Variants in SHTN1 observed in about 807,000 individuals in gnomAD.
The protein encoded by SHTN1 is shootin 1.
In SHTN1, 42 loss-of-function variants were observed where a neutral mutation model predicts 83.1. The ratio of observed to expected loss-of-function variants is 0.51; its 90% CI spans 0.39 to 0.65. The LOEUF (loss-of-function observed/expected upper bound fraction) is 0.65. Among genes scored for constraint, SHTN1 ranks in the 30% least tolerant of loss-of-function variants. The pLI, the probability that SHTN1 is intolerant of heterozygous loss-of-function variation, is 0.00. For synonymous variants in SHTN1, 224 were observed against 247.7 expected (o/e 0.90, Z 0.90); for missense variants, 622 against 737.8 (o/e 0.84, Z 1.82).
chr10:117,018,508 A>T (rs2420303), intron 2 of SHTN1, among the ~76,000 whole-genome samples: 124,001 of 137,970 alleles, frequency 0.9, 55,131 homozygotes, highest in East Asian at 0.94. Context: ...TATTTTTTTT[A>T]AAAAAAAAAA....
rs150458578 is a variant in SHTN1, at chr10:116,954,245, C to A, written c.268-35G>T. The A allele has an allele frequency of 2.4e-3, 3,421 of 1,420,890 alleles. 9 individuals carry two copies. The highest frequency in any genetic ancestry group is 2.6e-3 in the Non-Finnish European group (2,728 of 1,044,148). The allele number at this position is 1,420,890 out of a possible 1,614,324, so 88.0% of individuals were successfully genotyped here. A position where few individuals can be genotyped will look rare whatever the true frequency, so the allele number is the denominator to read the frequency against. ...AATATAAAAACAGTTATTTTAAAAG[C>A]AGCCAAATGAGTATCTTGGATTTTT... On this transcript the variant is annotated intron_variant, in intron 4 of 16. Transcript: ENST00000355371.
rs536914477 is a variant in SHTN1, at chr10:117,077,077, G to A, written c.-188-28567C>T. On this transcript the variant is annotated intron_variant, in intron 1 of 17. Coordinates refer to the SHTN1 transcript ENST00000392901. ...GATCTTAAGCTCCCCCAGCACAAAA[G>A]CCCTTACGATTTAAGAAGAAATGTG... Among the ~76,000 whole-genome samples the A allele has an allele frequency of 3.3e-5, 5 of 152,200 alleles. 1 individual carries two copies. In the South Asian group the frequency reaches 8.3e-4, roughly 25 times the overall value.
chr10:116,960,834 C>A (rs1168138116), intron 3 of SHTN1, among the ~76,000 whole-genome samples: 1 of 151,982 alleles, frequency 6.6e-6, no homozygotes, highest in African/African-American at 2.4e-5. Context: ...AAAGCAGATG[C>A]TAATAAATTA....
chr10:116,974,188 A>G lies in SHTN1; in HGVS notation c.111+5068T>C, dbSNP rs1850712561. 4 of 991,666 alleles carry G rather than the reference A, an allele frequency of 4.0e-6. No individual in the cohort carries two copies. The African/African-American group carries it at 5.1e-5, about 13-fold the overall frequency. The allele number at this position is 991,666 out of a possible 1,614,324, so 61.4% of individuals were successfully genotyped here. A position where few individuals can be genotyped will look rare whatever the true frequency, so the allele number is the denominator to read the frequency against. On this transcript the variant is annotated intron_variant, in intron 2 of 16. Coordinates refer to ENST00000355371, the MANE Select transcript of SHTN1 (RefSeq NM_001127211.3). The stretch of plus-strand genomic sequence containing the variant: ...TGTGTGTTAGATGGAAACACATGTC[A>G]TCAGAACAGAGATCCTTGCTCTTTG...
At chr10:117,085,568 TGTGA>T (rs1853337808) in intron 1 of SHTN1, among the ~76,000 whole-genome samples, 1 of 152,232 alleles carries the variant, frequency 6.6e-6, no homozygotes, top group African/African-American at 2.4e-5. Flanking sequence ...GAATGTTTCA[TGTGA>T]GCTCAAAAAG....
chr10:116,881,606 G>C lies in SHTN1; in HGVS notation c.*4738C>G. On this transcript the variant is annotated 3_prime_UTR_variant, in exon 17 of 17. Transcript: ENST00000355371. The stretch of plus-strand genomic sequence containing the variant: ...AGGCTGCTGCGGCTAGGGAGCCGCT[G>C]GTGCCCACCTTCCCCACACAAGGTG... 6.4e-7 allele frequency: 1 copy of C among 1,550,478 alleles called. No homozygotes were observed. The highest frequency in any genetic ancestry group is 1.2e-5 in the South Asian group (1 of 84,018).
At position 116,882,396 on chromosome 10, in the gene SHTN1, G is replaced by C. The variant is rs1847045509; in HGVS notation, c.*3948C>G. On this transcript the variant is annotated 3_prime_UTR_variant, in exon 17 of 17. Coordinates refer to ENST00000355371, the MANE Select transcript of SHTN1 (RefSeq NM_001127211.3). ...AGCATTTAAAAAGCAATCCGCAAGTGATAAAAAAAAAAAAAAAAAATGATG... is the reference window on the plus strand; with the variant it reads ...AGCATTTAAAAAGCAATCCGCAAGTCATAAAAAAAAAAAAAAAAAATGATG... 9.4e-6 allele frequency: 1 copy of C among 106,396 alleles called. No homozygotes were observed. The highest frequency in any genetic ancestry group is 1.9e-5 in the Non-Finnish European group (1 of 53,356). 6.6% of individuals were successfully genotyped at this position (106,396 alleles called of 1,614,324 possible).
intron 16 of SHTN1, 119 bp from the exon 17 acceptor site, chr10:116,886,685 A>G: frequency 7.4e-7 from 1 of 1,352,314 alleles, no homozygotes; most frequent in Non-Finnish European, 1.0e-6. Flanking sequence ...ATCAACATGC[A>G]TATAGTAGTC....
chr10:117,066,557 A>T (rs1331619208), intron 1 of SHTN1, among the ~76,000 whole-genome samples: 1 of 152,230 alleles, frequency 6.6e-6, no homozygotes, highest in Non-Finnish European at 1.5e-5. Flanking sequence ...GGACAATATT[A>T]TAAGGAATGT....
In SHTN1 at chr10:116,968,340, A is replaced by G. The variant is rs191676312; in HGVS notation, c.172+312T>C. 9.8e-5 allele frequency among the ~76,000 whole-genome samples: 15 copies of G among 152,362 alleles called. No homozygotes were observed. The East Asian group carries it at 2.1e-3, about 22-fold the overall frequency. ...ACAAATAAAAGACCAACAAGGACAG[A>G]TTATAAAGTACTAGCACTGGCCTTT... is the stretch of plus-strand genomic sequence containing the variant. On this transcript the variant is annotated intron_variant, in intron 3 of 16. Transcript: ENST00000355371.
In SHTN1 at chr10:116,996,729, T is replaced by C. The variant is rs138189365; in HGVS notation, c.58+8293A>G. On this transcript the variant is annotated intron_variant, in intron 1 of 16. Coordinates refer to ENST00000355371, the MANE Select transcript of SHTN1 (RefSeq NM_001127211.3). The stretch of plus-strand genomic sequence containing the variant: ...AAGAGATCACCCATAACACCACCTC[T>C]TGAAATAAAACATGACTGTTTACCT... 4.4e-3 allele frequency among the ~76,000 whole-genome samples: 665 copies of C among 152,314 alleles called. 1 individual carries two copies. Among genetic ancestry groups the C allele is most frequent in the Non-Finnish European group, 6.5e-3 (439 of 68,022 alleles).
intron 1 of SHTN1, chr10:117,126,266 G>A (rs1056934431): frequency 6.4e-6 from 1 of 157,424 alleles, no homozygotes; most frequent in South Asian, 1.8e-4. Context: ...AGCGTGGGTC[G>A]GGGCCCTGCC....
chr10:116,943,217 C>T (rs1344643036), intron 8 of SHTN1, among the ~76,000 whole-genome samples: 3 of 152,204 alleles, frequency 2.0e-5, no homozygotes, highest in African/African-American at 7.2e-5. Flanking sequence ...AGACTGAAGA[C>T]CAGGTGAACA....
intron 1 of SHTN1, among the ~76,000 whole-genome samples, chr10:117,100,048 A>G (rs916181328): frequency 1.1e-4 from 16 of 152,114 alleles, no homozygotes; most frequent in African/African-American, 3.4e-4. Flanking sequence ...ATGGTGGTAC[A>G]TGCCTGTAAT....
chr10:116,983,060 G>C (rs1262857834), intron 1 of SHTN1, among the ~76,000 whole-genome samples: 2 of 151,950 alleles, frequency 1.3e-5, no homozygotes, highest in Non-Finnish European at 2.9e-5. Context: ...CAGATTTACA[G>C]GTACAGTATA....
rs1281297996 is a variant in SHTN1, at chr10:116,961,662, GC to G, written c.173-1433del. ...GCACCCAACAATCGGCTTGGCAGGG[GC>G]CCCCCTCACTAAATGACACGTTAAG... On this transcript the variant is annotated intron_variant, in intron 3 of 16. Transcript: ENST00000355371. Among the ~76,000 whole-genome samples the G allele has an allele frequency of 3.3e-5, 5 of 152,242 alleles. No individual in the cohort carries two copies. In the South Asian group the frequency reaches 8.3e-4, roughly 25 times the overall value.
chr10:117,039,941 A>G (rs1299142058), intron 2 of SHTN1, among the ~76,000 whole-genome samples: 4 of 152,082 alleles, frequency 2.6e-5, no homozygotes, highest in Non-Finnish European at 4.4e-5. Flanking sequence ...ATTCCATTCA[A>G]TTTTGCTGCA....
chr10:117,103,772 A>G (rs754565858), intron 1 of SHTN1, among the ~76,000 whole-genome samples: 79 of 151,782 alleles, frequency 5.2e-4, no homozygotes, highest in Non-Finnish European at 6.9e-4. Flanking sequence ...TCCTGACCTC[A>G]TGATCCGCCC....
intron 16 of SHTN1, among the ~76,000 whole-genome samples, chr10:116,899,506 G>GGTGTGTGGGT (rs1554906588): frequency 1.6e-5 from 2 of 124,500 alleles, no homozygotes; most frequent in Admixed American, 1.7e-4. Flanking sequence ...GGCTGGGGCT[G>GGTGTGTGGGT]GTGTGTGTGT....
Sources: allele counts gnomAD v4.1 joint callset (sites outside exome capture counted in the v4.1 genomes callset), GRCh38; gene constraint gnomAD v4.1.1; transcripts MANE v1.5; gene names NCBI Gene and HGNC (gene_info 2026-07-23, HGNC 2026-07-21).